Variants in ROBO1 observed in about 807,000 individuals in gnomAD.
The protein encoded by ROBO1 is roundabout guidance receptor 1.
A neutral mutation model predicts 195.9 loss-of-function variants in ROBO1; 149 were observed. The observed-to-expected ratio is 0.76, with a 90% CI of 0.67 to 0.87. The LOEUF is 0.87. Ranked by LOEUF, ROBO1 falls within the 40% of genes least tolerant of loss-of-function variation. ROBO1 has a pLI of 0.00. For missense variants in ROBO1, 1,933 were observed against 2,068.3 expected, an observed-to-expected ratio of 0.93 and a Z score of 1.27; for synonymous variants, 816 against 733.2, an observed-to-expected ratio of 1.11 and a Z score of -1.82.
intron 3 of ROBO1, among the ~76,000 whole-genome samples, chr3:78,978,039 C>A (rs1483731489): frequency 6.6e-6 from 1 of 152,130 alleles, no homozygotes; most frequent in Non-Finnish European, 1.5e-5. Flanking sequence ...CAATATGCAG[C>A]TCCAGAATCT....
intron 25 of ROBO1, among the ~76,000 whole-genome samples, chr3:78,628,274 A>G (rs893052361): frequency 6.6e-6 from 1 of 152,192 alleles, no homozygotes; most frequent in Non-Finnish European, 1.5e-5. Context: ...ACTCTTAACA[A>G]TCTTTGCAGA....
rs374302419 is a variant in ROBO1, at chr3:78,639,879, T to A, written c.2902A>T (p.Ser968Cys). ...SGGRPGLLNI[S>C]EPAAQPWLAD... ...AGCCATGGCTGCGCGGCAGGTTCAC[T>A]GATGTTGAGAAGTCCAGGCCTAAAT... Residue 968 changes from serine to cysteine, a missense_variant, in exon 22 of 31, where the codon AGT (serine) becomes TGT (cysteine). By Grantham distance (112) the Ser-to-Cys change is moderately radical. This residue lies in a region of ROBO1 where 1,737 missense variants were observed against 1,882.5 expected (regional missense o/e 0.92). Transcript: ENST00000464233. The A allele has an allele frequency of 6.2e-7, 1 of 1,604,138 alleles. No homozygotes were observed. The highest frequency in any genetic ancestry group is 1.3e-5 in the African/African-American group (1 of 74,766).
At chr3:79,642,461 C>A (rs1221969569) in intron 1 of ROBO1, among the ~76,000 whole-genome samples, 1 of 151,994 alleles carries the variant, frequency 6.6e-6, no homozygotes, top group African/African-American at 2.4e-5. Context: ...CAAATAACTA[C>A]CCCAAAAATA....
At position 78,600,243 on chromosome 3, in the gene ROBO1, G is replaced by A; in HGVS notation, c.4811C>T (p.Ser1604Leu). 1 of 1,613,376 alleles carries A rather than the reference G, an allele frequency of 6.2e-7. No individual in the cohort carries two copies. Among genetic ancestry groups the A allele is most frequent in the Non-Finnish European group, 8.5e-7 (1 of 1,179,438 alleles). Residue 1604 changes from serine (S) to leucine (L), a missense_variant, in exon 30 of 31, where the codon TCA (serine) becomes TTA (leucine). Coordinates refer to ENST00000464233, the MANE Select transcript of ROBO1 (RefSeq NM_002941.4). Reference sequence around the variant, plus strand: ...TGATCCTCTTGATGACATTGAGCTTGAGGAACTGGGATCTCTGGGATTATT... The same window carrying A: ...TGATCCTCTTGATGACATTGAGCTTAAGGAACTGGGATCTCTGGGATTATT... ...TSNNPRDPSS[S>L]SSMSSRGSGS...
At chr3:79,459,460 T>C (rs1474717643) in intron 2 of ROBO1, among the ~76,000 whole-genome samples, 1 of 151,240 alleles carries the variant, frequency 6.6e-6, no homozygotes, top group East Asian at 1.9e-4. Context: ...ATAAGGACTA[T>C]ATAAGGAGGA....
intron 1 of ROBO1, among the ~76,000 whole-genome samples, chr3:79,624,666 G>T (rs1026917933): frequency 6.6e-6 from 1 of 151,894 alleles, no homozygotes; most frequent in Non-Finnish European, 1.5e-5. Context: ...AAATAAATAT[G>T]CACCCAATAC....
At chr3:79,061,513 T>C (rs933387298) in intron 3 of ROBO1, among the ~76,000 whole-genome samples, 2 of 152,172 alleles carry the variant, frequency 1.3e-5, no homozygotes, top group Non-Finnish European at 2.9e-5. Context: ...TTAAAGTTCA[T>C]ATGGAATCAA....
At chr3:79,405,025 T>A (rs1384186298) in intron 2 of ROBO1, among the ~76,000 whole-genome samples, 2 of 152,134 alleles carry the variant, frequency 1.3e-5, no homozygotes, top group Admixed American at 6.6e-5. Flanking sequence ...TTGGACTCAC[T>A]GCCCCATTGA....
rs370566707 is a variant in ROBO1 at position 79,435,391 on chromosome 3, A to G, written c.88+154433T>C. ...GCAAGCCACTGGGCCTGGCTCTATCAAACGTTTTGAATCATATTTATTTCC... is the reference window on the plus strand; with the variant it reads ...GCAAGCCACTGGGCCTGGCTCTATCGAACGTTTTGAATCATATTTATTTCC... On this transcript the variant is annotated intron_variant, in intron 2 of 30. Coordinates refer to ENST00000464233, the MANE Select transcript of ROBO1 (RefSeq NM_002941.4). Among the ~76,000 whole-genome samples the G allele has an allele frequency of 8.5e-5, 13 of 152,182 alleles. No individual in the cohort carries two copies. In the East Asian group the frequency reaches 2.5e-3, roughly 29 times the overall value.
chr3:78,874,628 T>C (rs1295418711), intron 4 of ROBO1, among the ~76,000 whole-genome samples: 2 of 151,884 alleles, frequency 1.3e-5, no homozygotes, highest in African/African-American at 2.4e-5. Flanking sequence ...TTTTGCTTTA[T>C]ACTAATTATT....
chr3:78,925,727 C>A (rs757523260), intron 4 of ROBO1, among the ~76,000 whole-genome samples: 1 of 152,072 alleles, frequency 6.6e-6, no homozygotes, highest in Non-Finnish European at 1.5e-5. Flanking sequence ...GATTTCCTCA[C>A]AATGCAGGAG....
chr3:79,678,302 T>A (rs114769759), intron 1 of ROBO1, among the ~76,000 whole-genome samples: 3,067 of 152,038 alleles, frequency 0.02, 110 homozygotes, highest in African/African-American at 0.071. Flanking sequence ...ACTATATATA[T>A]ATATATAAAT....
At chr3:79,278,093 T>C (rs898922355) in intron 2 of ROBO1, among the ~76,000 whole-genome samples, 1 of 152,000 alleles carries the variant, frequency 6.6e-6, no homozygotes, top group Non-Finnish European at 1.5e-5. Context: ...AAATATCTAG[T>C]AATAAATTTA....
chr3:79,192,572 A>T (rs2081559232), intron 2 of ROBO1, among the ~76,000 whole-genome samples: 1 of 151,538 alleles, frequency 6.6e-6, no homozygotes, highest in East Asian at 1.9e-4. Flanking sequence ...AACATGGGTG[A>T]TGTGTTTTAG....
intron 3 of ROBO1, among the ~76,000 whole-genome samples, chr3:79,011,899 T>C (rs2077789468): frequency 6.6e-6 from 1 of 152,142 alleles, no homozygotes; most frequent in Non-Finnish European, 1.5e-5. Context: ...TTACTTTCTA[T>C]ACAAACTGGG....
intron 26 of ROBO1, among the ~76,000 whole-genome samples, chr3:78,622,510 T>C (rs1240370585): frequency 6.6e-6 from 1 of 152,224 alleles, no homozygotes; most frequent in Non-Finnish European, 1.5e-5. Flanking sequence ...AAGGTAAACA[T>C]ACTTAATGTA....
chr3:79,666,278 A>T (rs545826713), intron 1 of ROBO1, among the ~76,000 whole-genome samples: 1 of 152,116 alleles, frequency 6.6e-6, no homozygotes, highest in African/African-American at 2.4e-5. Context: ...GTGAACTTAG[A>T]GCAATGACAG....
chr3:78,603,775 G>T (rs1703311053), intron 29 of ROBO1, among the ~76,000 whole-genome samples: 1 of 152,038 alleles, frequency 6.6e-6, no homozygotes, highest in South Asian at 2.1e-4. Flanking sequence ...ATAGGGTTAT[G>T]ATCCAAATAA....
intron 3 of ROBO1, among the ~76,000 whole-genome samples, chr3:79,123,594 G>T (rs1444479870): frequency 1.3e-5 from 2 of 151,840 alleles, no homozygotes; most frequent in African/African-American, 4.8e-5. Context: ...GAGTAATCAA[G>T]AATTTTCCAA....
Sources: allele counts gnomAD v4.1 joint callset (sites outside exome capture counted in the v4.1 genomes callset), GRCh38; gene constraint gnomAD v4.1.1; regional missense constraint gnomAD v4.1.1; transcripts MANE v1.5; gene names NCBI Gene and HGNC (gene_info 2026-07-23, HGNC 2026-07-21).